The following FOCAD variants were observed in gnomAD, a reference collection of about 807,000 sequenced individuals.
The protein encoded by FOCAD is KIAA1797.
FOCAD carries 198 observed loss-of-function variants against 225.6 expected under a neutral mutation model. That is an observed-to-expected ratio of 0.88 (90% confidence interval 0.78 to 0.99). The LOEUF is 0.99. FOCAD is among the 50% of genes least tolerant of loss of function. The probability of loss-of-function intolerance (pLI) is 0.00; values close to 1 mark genes in which losing one functional copy is unlikely to be tolerated. For synonymous variants in FOCAD, 897 were observed against 755.0 expected, an observed-to-expected ratio of 1.19 and a Z score of -3.08; for missense variants, 2,713 against 2,123.6, an observed-to-expected ratio of 1.28 and a Z score of -5.46.
intron 11 of FOCAD, among the ~76,000 whole-genome samples, chr9:20,808,616 A>G (rs1397350698): frequency 2.0e-5 from 3 of 152,238 alleles, no homozygotes; most frequent in Admixed American, 2.0e-4. Flanking sequence ...CACGAGGTTC[A>G]GTGAGCAGGA....
In FOCAD at chr9:20,923,687, G is replaced by A. The variant is rs767333672; in HGVS notation, c.2880G>A (p.Ala960=). Reference sequence around the variant, plus strand: ...AGAGTCCGGTAGTGAAAGGCAATGCGCTGTTAGCTCTAAGCAGCCTTGCTG... The same window carrying A: ...AGAGTCCGGTAGTGAAAGGCAATGCACTGTTAGCTCTAAGCAGCCTTGCTG... ...AKESPVVKGN[A]LLALSSLAVV... Residue 960 remains alanine, a synonymous_variant, in exon 25 of 44, where the codon GCG becomes GCA. Transcript: ENST00000338382. The A allele has an allele frequency of 5.9e-5, 95 of 1,613,798 alleles. No homozygotes were observed. The highest frequency in any genetic ancestry group is 4.2e-4 in the East Asian group (19 of 44,886).
intron 35 of FOCAD, among the ~76,000 whole-genome samples, chr9:20,972,171 A>G (rs1434322256): frequency 6.6e-6 from 1 of 152,150 alleles, no homozygotes; most frequent in East Asian, 1.9e-4. Flanking sequence ...TTTATATAAA[A>G]TAATGTGTAA....
Position 20,789,496 on chromosome 9 carries a change from T to A in FOCAD, c.1343T>A (p.Ile448Asn). 1 of 1,613,978 alleles carries A rather than the reference T, an allele frequency of 6.2e-7. No individual in the cohort carries two copies. Among genetic ancestry groups the A allele is most frequent in the South Asian group, 1.1e-5 (1 of 91,070 alleles). ...TCATTGCTTCCTATTACTGCTGTGATCCCTGCGCCTGCCTTTCTTCTGCTG... is the reference window on the plus strand; with the variant it reads ...TCATTGCTTCCTATTACTGCTGTGAACCCTGCGCCTGCCTTTCTTCTGCTG... ...VESLLPITAV[I>N]PAPAFLLLAH... Residue 448 changes from isoleucine to asparagine, a missense_variant, in exon 11 of 44, where the codon ATC (isoleucine) becomes AAC (asparagine). Coordinates refer to ENST00000338382, the MANE Select transcript of FOCAD (RefSeq NM_001375567.1).
intron 15 of FOCAD, among the ~76,000 whole-genome samples, chr9:20,861,243 A>C (rs1020712390): frequency 8.5e-5 from 13 of 152,150 alleles, no homozygotes; most frequent in Admixed American, 2.6e-4. Flanking sequence ...TAAGGTGTCA[A>C]GTTTTTGAAG....
intron 15 of FOCAD, among the ~76,000 whole-genome samples, chr9:20,844,899 C>T (rs1826925387): frequency 6.6e-6 from 1 of 151,804 alleles, no homozygotes. Context: ...AGGTTTGTGT[C>T]CTTCTCTTTT....
At chr9:20,816,844 A>G (rs775850478) in intron 11 of FOCAD, among the ~76,000 whole-genome samples, 2 of 152,170 alleles carry the variant, frequency 1.3e-5, no homozygotes, top group Non-Finnish European at 2.9e-5. Flanking sequence ...ACAATATAGT[A>G]CAACAACTAT....
chr9:20,685,196 A>ATTTTTTTTTTTTTTTT (rs397959541), intron 1 of FOCAD, among the ~76,000 whole-genome samples: 13 of 143,064 alleles, frequency 9.1e-5, no homozygotes, highest in East Asian at 2.0e-4. Context: ...TGAGTTGGAA[A>ATTTTTTTTTTTTTTTT]TTTTTTTTTT....
chr9:20,820,277 G>A (rs971066242), intron 12 of FOCAD, 47 bp from the exon 13 acceptor site: 4 of 1,402,800 alleles, frequency 2.9e-6, no homozygotes, highest in Non-Finnish European at 4.0e-6. Flanking sequence ...CCTCGAGGTT[G>A]TCTGCATTCA....
chr9:20,842,488 A>C (rs2131574620), intron 15 of FOCAD, among the ~76,000 whole-genome samples: 1 of 152,010 alleles, frequency 6.6e-6, no homozygotes. Context: ...TTATCATTAT[A>C]TCCTGACCTT....
intron 1 of FOCAD, among the ~76,000 whole-genome samples, chr9:20,714,924 G>T (rs1330940811): frequency 6.6e-6 from 1 of 152,146 alleles, no homozygotes; most frequent in Non-Finnish European, 1.5e-5. Context: ...ATGAAAGCTT[G>T]TGCCAAAGTG....
chr9:20,968,075 T>G (rs944795717), intron 35 of FOCAD, among the ~76,000 whole-genome samples: 2 of 152,152 alleles, frequency 1.3e-5, no homozygotes, highest in African/African-American at 4.8e-5. Context: ...CAATGAAGCC[T>G]TCTGGTCTTG....
intron 4 of FOCAD, among the ~76,000 whole-genome samples, chr9:20,733,220 T>G (rs534903731): frequency 2.0e-5 from 3 of 152,160 alleles, no homozygotes; most frequent in Non-Finnish European, 2.9e-5. Flanking sequence ...CTTTTTCAAA[T>G]TAAATGACAT....
At chr9:20,662,373 A>G (rs930445851) in intron 2 of FOCAD, among the ~76,000 whole-genome samples, 2 of 152,202 alleles carry the variant, frequency 1.3e-5, no homozygotes, top group African/African-American at 4.8e-5. Context: ...GTAAAGAGCC[A>G]TCTTAGCCAA....
intron 1 of FOCAD, among the ~76,000 whole-genome samples, chr9:20,709,586 A>C (rs1824668078): frequency 6.6e-6 from 1 of 151,676 alleles, no homozygotes; most frequent in South Asian, 2.1e-4. Flanking sequence ...GTTTTTTGAA[A>C]TTCCCTAAGA....
chr9:20,680,469 A>T (rs1167458366), upstream of FOCAD, among the ~76,000 whole-genome samples: 2 of 151,988 alleles, frequency 1.3e-5, no homozygotes, highest in Admixed American at 1.3e-4. Flanking sequence ...GAGGCAGGAG[A>T]ATTGCTTGAA....
At chr9:20,882,914 A>G (rs1033151836) in intron 20 of FOCAD, among the ~76,000 whole-genome samples, 1 of 152,150 alleles carries the variant, frequency 6.6e-6, no homozygotes, top group Non-Finnish European at 1.5e-5. Flanking sequence ...ACTGCCAATT[A>G]GTGGGGGGTG....
At chr9:20,775,013 G>A (rs1428884911) in intron 8 of FOCAD, among the ~76,000 whole-genome samples, 1 of 152,172 alleles carries the variant, frequency 6.6e-6, no homozygotes, top group Non-Finnish European at 1.5e-5. Context: ...GAAGTAGAAT[G>A]AAGTAGTCTT....
At chr9:20,743,479 A>G (rs1156851347) in intron 5 of FOCAD, among the ~76,000 whole-genome samples, 1 of 152,172 alleles carries the variant, frequency 6.6e-6, no homozygotes, top group African/African-American at 2.4e-5. Context: ...AATAAGTTGT[A>G]CCAGTATGGG....
intron 32 of FOCAD, among the ~76,000 whole-genome samples, 157 bp from the exon 33 acceptor site, chr9:20,949,447 T>C (rs1828217030): frequency 6.6e-6 from 1 of 152,126 alleles, no homozygotes; most frequent in African/African-American, 2.4e-5. Context: ...CATGGGGCCC[T>C]GCCTTTGAGG....
Sources: allele counts gnomAD v4.1 joint callset (sites outside exome capture counted in the v4.1 genomes callset), GRCh38; gene constraint gnomAD v4.1.1; transcripts MANE v1.5; gene names NCBI Gene and HGNC (gene_info 2026-07-23, HGNC 2026-07-21).